STRA8: variants seen among roughly 807,000 people sequenced by gnomAD.
STRA8 encodes the protein stimulated by retinoic acid gene 8 protein homolog.
Under a neutral mutation model 37.1 loss-of-function variants are expected in STRA8, and 18 were observed. The observed-to-expected ratio is 0.48, with a 90% CI of 0.34 to 0.72. The LOEUF is 0.72. Ranked by LOEUF, STRA8 falls within the 30% of genes least tolerant of loss-of-function variation. STRA8 has a pLI of 0.01. For synonymous variants in STRA8, 168 were observed against 162.9 expected, an observed-to-expected ratio of 1.03 and a Z score of -0.24; for missense variants, 357 against 410.4, an observed-to-expected ratio of 0.87 and a Z score of 1.13.
At chr7:135,248,420 C>G (rs1472234257) in intron 6 of STRA8, among the ~76,000 whole-genome samples, 1 of 151,822 alleles carries the variant, frequency 6.6e-6, no homozygotes, top group Non-Finnish European at 1.5e-5. Flanking sequence ...AGTCAGGTGC[C>G]TGGCTGGGCG....
intron 1 of STRA8, among the ~76,000 whole-genome samples, chr7:135,236,291 T>G (rs940205828): frequency 1.3e-5 from 2 of 151,764 alleles, no homozygotes; most frequent in African/African-American, 4.8e-5. Flanking sequence ...TGTGTGTGTG[T>G]GTGTGTGTGT....
At chr7:135,251,976 T>TCAGGGA in intron 7 of STRA8, 107 bp downstream of exon 7, 1 of 917,412 alleles carries the variant, frequency 1.1e-6, no homozygotes, top group Non-Finnish European at 1.8e-6. Context: ...ATGTGGTAAG[T>TCAGGGA]CAGAGACAGA....
intron 4 of STRA8, 121 bp downstream of exon 4, chr7:135,243,531 C>T: frequency 1.3e-6 from 1 of 756,686 alleles, no homozygotes. Context: ...TGCTGCTCAC[C>T]ATTCAAAACA....
At chr7:135,255,246 G>A (rs368825353) in intron 8 of STRA8, 21 bp downstream of exon 8, 71 of 1,565,008 alleles carry the variant, frequency 4.5e-5, no homozygotes, top group African/African-American at 1.4e-4. Flanking sequence ...GTAGAGGGCC[G>A]TGGTACCTCT....
intron 1 of STRA8, among the ~76,000 whole-genome samples, chr7:135,235,556 C>T (rs1280571587): frequency 6.6e-6 from 1 of 152,040 alleles, no homozygotes; most frequent in Non-Finnish European, 1.5e-5. Context: ...ATTCTCCTGC[C>T]TCAGCTTCCT....
At chr7:135,238,118 C>A (rs1175999943) in intron 1 of STRA8, among the ~76,000 whole-genome samples, 1 of 152,202 alleles carries the variant, frequency 6.6e-6, no homozygotes, top group Admixed American at 6.5e-5. Context: ...AGTAACATCT[C>A]CAGCGCTTGA....
chr7:135,254,082 A>G (rs184736403), intron 7 of STRA8, among the ~76,000 whole-genome samples: 5 of 152,194 alleles, frequency 3.3e-5, no homozygotes, highest in African/African-American at 1.2e-4. Context: ...TCCTCTCCAA[A>G]TCGACCTTAC....
chr7:135,236,252 C>A (rs2117783822), intron 1 of STRA8, among the ~76,000 whole-genome samples: 1 of 104,886 alleles, frequency 9.5e-6, no homozygotes, highest in African/African-American at 3.0e-5. Context: ...GAGACCCCAT[C>A]TTTATATATA....
At chr7:135,232,119 T>TG, upstream of STRA8, 4 of 723,248 alleles carry the variant, frequency 5.5e-6, no homozygotes, top group South Asian at 1.4e-5. Context: ...TGGCAGTGGT[T>TG]GGGGCGGGAG....
At chr7:135,247,955 G>A (rs533980772) in intron 6 of STRA8, among the ~76,000 whole-genome samples, 1 of 152,362 alleles carries the variant, frequency 6.6e-6, no homozygotes, top group South Asian at 2.1e-4. Flanking sequence ...CACATGCCCT[G>A]TGCTTCGTGG....
Position 135,246,730 on chromosome 7 carries a change from A to T in STRA8, c.879+28A>T, listed in dbSNP as rs1227517683. On this transcript the variant is annotated intron_variant, in intron 6 of 8. Coordinates refer to ENST00000662584, the MANE Select transcript of STRA8 (RefSeq NM_001394401.1). The surrounding 1 kb of genome is among the most constrained non-coding windows in gnomAD (Gnocchi z 5.4). ...GAGCAGGCCCACCGGGGTGGCGTGG[A>T]TGGGGCACGGGAACCACCCTCGCCC... 4.7e-6 allele frequency: 7 copies of T among 1,497,180 alleles called. No individual in the cohort carries two copies. The highest frequency in any genetic ancestry group is 6.2e-6 in the Non-Finnish European group (7 of 1,132,000). The allele number at this position is 1,497,180 out of a possible 1,614,324, so 92.7% of individuals were successfully genotyped here.
chr7:135,258,349 C>T, intron 8 of STRA8, 69 bp from the exon 9 acceptor site: 2 of 1,317,420 alleles, frequency 1.5e-6, no homozygotes, highest in South Asian at 1.3e-5. Context: ...GATGCAGGAG[C>T]CTTCCTATCT....
At position 135,247,901 on chromosome 7, in the gene STRA8, C is replaced by G. The variant is rs896239681; in HGVS notation, c.879+1199C>G. Reference sequence around the variant, plus strand: ...TCAGAACACTGCTCTACCACACGGCCCACGCTCGCTCCTCTAGCCCAGGCG... The same window carrying G: ...TCAGAACACTGCTCTACCACACGGCGCACGCTCGCTCCTCTAGCCCAGGCG... On this transcript the variant is annotated intron_variant, in intron 6 of 8. Coordinates refer to ENST00000662584, the MANE Select transcript of STRA8 (RefSeq NM_001394401.1). Among the ~76,000 whole-genome samples the G allele has an allele frequency of 8.5e-5, 13 of 152,356 alleles. 2 individuals are homozygous for G. The highest frequency in any genetic ancestry group is 7.8e-4 in the Admixed American group (12 of 15,306).
rs1288936411 is a variant in STRA8, at chr7:135,245,429, G to GGAA, written c.498_500dup (p.Glu178dup). 7 of 761,882 alleles carry GGAA rather than the reference G, an allele frequency of 9.2e-6. No homozygotes were observed. Among genetic ancestry groups the GGAA allele is most frequent in the Middle Eastern group, 2.3e-4 (1 of 4,376 alleles). The allele number at this position is 761,882 out of a possible 1,614,324, so 47.2% of individuals were successfully genotyped here. A position where few individuals can be genotyped will look rare whatever the true frequency, so the allele number is the denominator to read the frequency against. On this transcript the variant is annotated inframe_insertion, in exon 5 of 9. Transcript: ENST00000662584. ...AGGAGGAAGAAGAAGAGGAGGAGGA[G>GGAA]GAAGAGGAGGAAGAGGAAGAGGAGG... is the stretch of plus-strand genomic sequence containing the variant.
chr7:135,248,702 T>A (rs1014635171), intron 6 of STRA8, among the ~76,000 whole-genome samples: 1 of 152,060 alleles, frequency 6.6e-6, no homozygotes. Flanking sequence ...ACAGCAAGAC[T>A]CTATCTATCC....
In STRA8 at chr7:135,246,689, C is replaced by T; in HGVS notation, c.866C>T (p.Ser289Phe). 1 of 1,525,742 alleles carries T rather than the reference C, an allele frequency of 6.6e-7. No individual in the cohort carries two copies. Among genetic ancestry groups the T allele is most frequent in the Non-Finnish European group, 8.7e-7 (1 of 1,143,532 alleles). 94.5% of individuals were successfully genotyped at this position (1,525,742 alleles called of 1,614,324 possible). ...CAGGGGGCCAGCTGCTCGCTGGTCTCCACGCCCGAGGAGGTGAGCAGGCCC... is the reference window on the plus strand; with the variant it reads ...CAGGGGGCCAGCTGCTCGCTGGTCTTCACGCCCGAGGAGGTGAGCAGGCCC... ...DSQGASCSLV[S>F]TPEEILFEDA... The change falls in exon 6 of 9, where the codon TCC (serine) becomes TTC (phenylalanine). Residue 289 changes from serine to phenylalanine, a missense_variant. Physicochemically the swap from Ser to Phe is radical, Grantham distance 155. Transcript: ENST00000662584. The surrounding 1 kb of genome is among the most constrained non-coding windows in gnomAD (Gnocchi z 5.4).
intron 6 of STRA8, among the ~76,000 whole-genome samples, chr7:135,247,565 C>T (rs1025419913): frequency 2.6e-5 from 4 of 152,190 alleles, no homozygotes; most frequent in African/African-American, 9.7e-5. Flanking sequence ...CGCTCCTCCC[C>T]TCTCATTGGT....
chr7:135,247,099 C>G (rs1832572288), intron 6 of STRA8: 1 of 172,260 alleles, frequency 5.8e-6, no homozygotes, highest in Non-Finnish European at 1.2e-5. Flanking sequence ...CCCGCCTCGG[C>G]CTTCCGAAGT....
chr7:135,246,774 G>A lies in STRA8; in HGVS notation c.879+72G>A. 7.0e-7 allele frequency: 1 copy of A among 1,424,328 alleles called. No homozygotes were observed. Among genetic ancestry groups the A allele is most frequent in the South Asian group, 1.4e-5 (1 of 70,456 alleles). 88.2% of individuals were successfully genotyped at this position (1,424,328 alleles called of 1,614,324 possible). A position where few individuals can be genotyped will look rare whatever the true frequency, so the allele number is the denominator to read the frequency against. On this transcript the variant is annotated intron_variant, in intron 6 of 8. Coordinates refer to ENST00000662584, the MANE Select transcript of STRA8 (RefSeq NM_001394401.1). The surrounding 1 kb of genome is among the most constrained non-coding windows in gnomAD (Gnocchi z 5.4). ...CTCGCCCTCGCCTGGGGACACCAGG[G>A]CTTTGCATTTAGCAGGTTGGAGGTG... is the stretch of plus-strand genomic sequence containing the variant.
Sources: gnomAD v4.1 joint callset for allele counts (sites outside exome capture counted in the v4.1 genomes callset) on GRCh38, gnomAD v4.1.1 for gene constraint, Gnocchi (gnomAD v3.1) non-coding constraint, MANE v1.5 for transcripts, NCBI Gene and HGNC (gene_info 2026-07-23, HGNC 2026-07-21) for gene names.